SALL1: variants seen among roughly 807,000 people sequenced by gnomAD.
The protein encoded by SALL1 is sal-like protein 1.
SALL1 carries 10 observed loss-of-function variants against 73.1 expected under a neutral mutation model. That is an observed-to-expected ratio of 0.14 (90% CI 0.08 to 0.23). The LOEUF is 0.23. SALL1 is among the 10% of genes least tolerant of loss of function. SALL1 has a pLI of 1.00. For synonymous variants in SALL1, 688 were observed against 689.8 expected, an observed-to-expected ratio of 1.00 and a Z score of 0.04; for missense variants, 1,520 against 1,697.3, an observed-to-expected ratio of 0.90 and a Z score of 1.84.
At chr16:51,147,490 C>G (rs1962535604) in intron 1 of SALL1, among the ~76,000 whole-genome samples, 1 of 151,934 alleles carries the variant, frequency 6.6e-6, no homozygotes, top group African/African-American at 2.4e-5. Context: ...TCTCGCTAAC[C>G]TTTTGGGCCC....
chr16:51,151,740 CT>C (rs1567319962), upstream of SALL1, among the ~76,000 whole-genome samples: 17 of 148,678 alleles, frequency 1.1e-4, no homozygotes, highest in African/African-American at 4.4e-4. Context: ...TCCCTCCCTC[CT>C]TCGCCCCCCC....
chr16:51,145,120 A>G (rs1962495625), intron 1 of SALL1, among the ~76,000 whole-genome samples: 1 of 151,574 alleles, frequency 6.6e-6, no homozygotes, highest in Admixed American at 6.6e-5. Flanking sequence ...AAGACAAAAC[A>G]TGAGGACTAG....
rs1490694737 is a variant in SALL1, at chr16:51,136,304, T to G, written c.*808A>C. 4 of 152,656 alleles carry G rather than the reference T, an allele frequency of 2.6e-5. No individual in the cohort carries two copies. The highest frequency in any genetic ancestry group is 5.9e-5 in the Non-Finnish European group (4 of 68,052). 9.5% of individuals were successfully genotyped at this position (152,656 alleles called of 1,614,324 possible). Reference sequence around the variant, plus strand: ...TGAAGGTTGTTCAAGATGCTATACTTAGCAGCATTGTGAAATTCCAGCACA... The same window carrying G: ...TGAAGGTTGTTCAAGATGCTATACTGAGCAGCATTGTGAAATTCCAGCACA... On this transcript the variant is annotated 3_prime_UTR_variant, in exon 3 of 3. Transcript: ENST00000251020.
At position 51,141,582 on chromosome 16, in the gene SALL1, C is replaced by A; in HGVS notation, c.640G>T (p.Ala214Ser). The A allele has an allele frequency of 2.5e-6, 4 of 1,614,154 alleles. No individual in the cohort carries two copies. The highest frequency in any genetic ancestry group is 3.4e-6 in the Non-Finnish European group (4 of 1,180,030). The change falls in exon 2 of 3, where the codon GCG (alanine) becomes TCG (serine). Residue 214 changes from alanine (A) to serine (S), a missense_variant. Ala to Ser is a moderately conservative substitution (Grantham distance 99). Transcript: ENST00000251020. This position sits in a 1 kb window ranked among gnomAD's most constrained non-coding sequence, Gnocchi z 5.4. ...KVAVAQFSQEARCGGASGGKL... is the reference protein window; with the variant it reads ...KVAVAQFSQESRCGGASGGKL... ...CCCCCAGAGGCCCCGCCGCACCTCG[C>A]TTCCTGGGAGAACTGGGCCACCGCC...
rs1030315086 is a variant in SALL1 at position 51,137,503 on chromosome 16, C to T, written c.3584G>A (p.Arg1195Gln). 5 of 1,613,846 alleles carry T rather than the reference C, an allele frequency of 3.1e-6. No individual in the cohort carries two copies. Among genetic ancestry groups the T allele is most frequent in the Middle Eastern group, 1.6e-4 (1 of 6,062 alleles). ...MWNSTPARRG[R>Q]RLSVDGPMTF... ...CATGGGGCCATCCACAGAGAGCCGC[C>T]GACCCCGTCGTGCAGGGGTGCTATT... is the stretch of plus-strand genomic sequence containing the variant. Residue 1195 changes from arginine to glutamine, a missense_variant, in exon 3 of 3, where the codon CGG becomes CAG. Physicochemically the swap from Arg to Gln is conservative, Grantham distance 43. Transcript: ENST00000251020.
upstream of SALL1, among the ~76,000 whole-genome samples, chr16:51,151,594 G>GCCGCC (rs1426599210): frequency 1.3e-5 from 2 of 151,402 alleles, no homozygotes; most frequent in African/African-American, 4.8e-5. Context: ...TGCGCGCCGC[G>GCCGCC]CCGCCCGACA....
intron 1 of SALL1, among the ~76,000 whole-genome samples, chr16:51,145,167 G>A (rs1443741576): frequency 6.7e-6 from 1 of 149,516 alleles, no homozygotes; most frequent in Non-Finnish European, 1.5e-5. Flanking sequence ...TTAATTTGTA[G>A]TAAGATACAC....
At chr16:51,145,979 CTT>C (rs372735955) in intron 1 of SALL1, among the ~76,000 whole-genome samples, 5,055 of 128,884 alleles carry the variant, frequency 0.039, 261 homozygotes, top group African/African-American at 0.13. Context: ...ATTGATTGGT[CTT>C]TTTTTTTTTT....
Position 51,141,462 on chromosome 16 carries a change from T to C in SALL1, c.760A>G (p.Ile254Val). The change falls in exon 2 of 3, where the codon ATA becomes GTA. Residue 254 changes from isoleucine (I) to valine (V), a missense_variant. Ile to Val is a conservative substitution (Grantham distance 29). Transcript: ENST00000251020. The surrounding 1 kb of genome is among the most constrained non-coding windows in gnomAD (Gnocchi z 5.4). ...GCATTCTGAGAAGCCAACAGCAATA[T>C]TTGGTGACGAATCTGTTCGATCAAT... ...LQLIEQIRHQ[I>V]LLLASQNADL... The C allele has an allele frequency of 6.2e-7, 1 of 1,614,120 alleles. No homozygotes were observed.
At position 51,136,601 on chromosome 16, in the gene SALL1, TCA is replaced by T. The variant is rs1316179339; in HGVS notation, c.*509_*510del. The T allele has an allele frequency of 6.3e-6, 1 of 159,616 alleles. No homozygotes were observed. The highest frequency in any genetic ancestry group is 2.4e-5 in the African/African-American group (1 of 41,572). 9.9% of individuals were successfully genotyped at this position (159,616 alleles called of 1,614,324 possible). ...GAACCACACTGTTCAGTCTGTACTT[TCA>T]GTCCTTTCCTTAAATCTGTTTTGAA... On this transcript the variant is annotated 3_prime_UTR_variant, in exon 3 of 3. Transcript: ENST00000251020.
chr16:51,141,738 CGCCGCCGCTGCT>C lies in SALL1; in HGVS notation c.472_483del (p.Ser158_Gly161del). On this transcript the variant is annotated inframe_deletion, in exon 2 of 3. Transcript: ENST00000251020. The surrounding 1 kb of genome is among the most constrained non-coding windows in gnomAD (Gnocchi z 5.4). ...GAGGTACCTGTGGAGGAGCTGCCGCCGCCGCCGCTGCTGCTGCTGCTGCTGCTGCTGCTGCTT... is the reference window on the plus strand; with the variant it reads ...GAGGTACCTGTGGAGGAGCTGCCGCCGCTGCTGCTGCTGCTGCTGCTGCTT... 6.2e-7 allele frequency: 1 copy of C among 1,611,268 alleles called. No individual in the cohort carries two copies. The highest frequency in any genetic ancestry group is 1.1e-5 in the South Asian group (1 of 90,470).
In SALL1 at chr16:51,141,915, T is replaced by C; in HGVS notation, c.307A>G (p.Asn103Asp). 1 of 1,613,914 alleles carries C rather than the reference T, an allele frequency of 6.2e-7. No individual in the cohort carries two copies. Among genetic ancestry groups the C allele is most frequent in the East Asian group, 2.2e-5 (1 of 44,874 alleles). ...CTGCAGTCCACTTGATCTGTTTTGT[T>C]AACTGTGTCATTCATTTGTTCATCA... ...NPDEQMNDTV[N>D]KTDQVDCSDL... The change falls in exon 2 of 3, where the codon AAC becomes GAC. Residue 103 changes from asparagine (N) to aspartate (D), a missense_variant. Asn to Asp is a conservative substitution (Grantham distance 23, BLOSUM62 1). This residue lies in a region of SALL1 where 540 missense variants were observed against 567.5 expected (regional missense o/e 0.95). Coordinates refer to ENST00000251020, the MANE Select transcript of SALL1 (RefSeq NM_002968.3). This position sits in a 1 kb window ranked among gnomAD's most constrained non-coding sequence, Gnocchi z 5.4.
intron 1 of SALL1, chr16:51,150,574 T>A (rs1342492856): frequency 9.5e-5 from 94 of 985,838 alleles, no homozygotes; most frequent in Non-Finnish European, 1.1e-4. Context: ...GTCCCCATCT[T>A]CTTGCAGCTC....
intron 2 of SALL1, 138 bp from the exon 3 acceptor site, chr16:51,137,690 C>T (rs760901504): frequency 1.5e-6 from 1 of 664,780 alleles, no homozygotes; most frequent in Non-Finnish European, 2.6e-6. Context: ...AATGTCTATT[C>T]TCATCATGTG....
chr16:51,147,133 A>G (rs1187481799), intron 1 of SALL1, among the ~76,000 whole-genome samples: 1 of 152,214 alleles, frequency 6.6e-6, no homozygotes, highest in Non-Finnish European at 1.5e-5. Context: ...AGTATAAAGA[A>G]AACAAATAGA....
At chr16:51,151,921 C>T (rs915395351), upstream of SALL1, among the ~76,000 whole-genome samples, 7 of 151,758 alleles carry the variant, frequency 4.6e-5, no homozygotes, top group African/African-American at 1.4e-4. Context: ...GAGGGAGTCC[C>T]GCGGCGGGAT....
At position 51,136,552 on chromosome 16, in the gene SALL1, A is replaced by G. The variant is rs1038829369; in HGVS notation, c.*560T>C. Reference sequence around the variant, plus strand: ...AAAAAAGGTTGAATTTTAGAATAAAAATTAAAAAACCAAACCTTTCAAAGA... The same window carrying G: ...AAAAAAGGTTGAATTTTAGAATAAAGATTAAAAAACCAAACCTTTCAAAGA... On this transcript the variant is annotated 3_prime_UTR_variant, in exon 3 of 3. Coordinates refer to ENST00000251020, the MANE Select transcript of SALL1 (RefSeq NM_002968.3). The G allele has an allele frequency of 6.5e-6, 1 of 152,918 alleles. No homozygotes were observed. Among genetic ancestry groups the G allele is most frequent in the African/African-American group, 2.4e-5 (1 of 41,462 alleles). 9.5% of individuals were successfully genotyped at this position (152,918 alleles called of 1,614,324 possible).
upstream of SALL1, chr16:51,152,028 G>GC (rs1962628813): frequency 8.4e-6 from 1 of 118,724 alleles, no homozygotes; most frequent in Non-Finnish European, 1.7e-5. Flanking sequence ...AAAAAAATAA[G>GC]CGAGTGGGGA....
At position 51,140,153 on chromosome 16, in the gene SALL1, T is replaced by G. The variant is rs752288194; in HGVS notation, c.2069A>C (p.Lys690Thr). 3 of 1,614,148 alleles carry G rather than the reference T, an allele frequency of 1.9e-6. No individual in the cohort carries two copies. Among genetic ancestry groups the G allele is most frequent in the Non-Finnish European group, 1.7e-6 (2 of 1,180,030 alleles). Residue 690 changes from lysine (K) to threonine (T), a missense_variant, in exon 2 of 3, where the codon AAG (lysine) becomes ACG (threonine). By Grantham distance (78) the Lys-to-Thr change is moderately conservative (BLOSUM62 -1). Transcript: ENST00000251020. This position sits in a 1 kb window ranked among gnomAD's most constrained non-coding sequence, Gnocchi z 5.7. The part of the protein sequence containing the change: ...LDSAQASETS[K>T]LQQLVENIDK... ...AATGTTTTCTACCAGTTGCTGAAGC[T>G]TGGACGTCTCTGATGCCTGAGCTGA...
Sources: allele counts gnomAD v4.1 joint callset (sites outside exome capture counted in the v4.1 genomes callset), GRCh38; gene constraint gnomAD v4.1.1; regional missense constraint gnomAD v4.1.1; non-coding constraint Gnocchi (gnomAD v3.1); transcripts MANE v1.5; gene names NCBI Gene and HGNC (gene_info 2026-07-23, HGNC 2026-07-21).